Variants in GHR observed in about 807,000 individuals in gnomAD.
GHR encodes growth hormone receptor.
GHR carries 35 observed loss-of-function variants against 67.1 expected under a neutral mutation model. That is an observed-to-expected ratio of 0.52 (90% CI 0.40 to 0.69). The LOEUF (loss-of-function observed/expected upper bound fraction) is 0.69, where lower values mean the gene tolerates loss of function less well. Ranked by LOEUF, GHR falls within the 30% of genes least tolerant of loss-of-function variation. The probability of loss-of-function intolerance (pLI) is 0.00; values close to 1 mark genes in which losing one functional copy is unlikely to be tolerated. For synonymous variants in GHR, 272 were observed against 269.1 expected, an observed-to-expected ratio of 1.01 and a Z score of -0.10; for missense variants, 792 against 764.6, an observed-to-expected ratio of 1.04 and a Z score of -0.42.
Position 42,617,573 on chromosome 5 carries a change from C to T in GHR, c.71-11465C>T, listed in dbSNP as rs35585836. ...TGGGAGTTCTGTTCCTCCCCATTTCCCCCCTCACCTGCTGGCGTCAGCACA... is the reference window on the plus strand; with the variant it reads ...TGGGAGTTCTGTTCCTCCCCATTTCTCCCCTCACCTGCTGGCGTCAGCACA... On this transcript the variant is annotated intron_variant, in intron 2 of 9. Coordinates refer to ENST00000230882, the MANE Select transcript of GHR (RefSeq NM_000163.5). Among the ~76,000 whole-genome samples the T allele has an allele frequency of 3.5e-3, 537 of 152,198 alleles. 1 individual carries two copies. The highest frequency in any genetic ancestry group is 0.013 in the African/African-American group (521 of 41,534).
intron 2 of GHR, among the ~76,000 whole-genome samples, chr5:42,623,524 C>T (rs1753560638): frequency 6.6e-6 from 1 of 152,272 alleles, no homozygotes; most frequent in African/African-American, 2.4e-5. Flanking sequence ...ACCTTTGTAC[C>T]TTCTGCACCT....
chr5:42,674,743 T>A (rs941388669), intron 3 of GHR, among the ~76,000 whole-genome samples: 1 of 152,218 alleles, frequency 6.6e-6, no homozygotes, highest in African/African-American at 2.4e-5. Context: ...TTTTATCCAC[T>A]CATCAGTTGA....
intron 3 of GHR, among the ~76,000 whole-genome samples, chr5:42,682,755 C>T (rs1235459900): frequency 2.0e-5 from 3 of 152,196 alleles, no homozygotes; most frequent in Non-Finnish European, 4.4e-5. Context: ...CTTTTAAGTT[C>T]TGATATATTA....
chr5:42,582,330 G>C (rs909760700), intron 2 of GHR, among the ~76,000 whole-genome samples: 1 of 152,200 alleles, frequency 6.6e-6, no homozygotes, highest in African/African-American at 2.4e-5. Flanking sequence ...AGAACTTATG[G>C]TGCTTTATCC....
chr5:42,603,327 C>T lies in GHR; in HGVS notation c.71-25711C>T, dbSNP rs147273203. Among the ~76,000 whole-genome samples the T allele has an allele frequency of 1.2e-4, 18 of 152,156 alleles. No individual in the cohort carries two copies. The East Asian group carries it at 1.9e-3, about 16-fold the overall frequency. ...TTTTAACAATTATAATGTGTCCTGG[C>T]GTGGGTCTCTTTGGATTCATCTTAC... On this transcript the variant is annotated intron_variant, in intron 2 of 9. Transcript: ENST00000230882.
At position 42,579,649 on chromosome 5, in the gene GHR, C is replaced by T. The variant is rs149464102; in HGVS notation, c.70+13705C>T. The stretch of plus-strand genomic sequence containing the variant: ...CTAACAAATGCTTCCTTTCATTTCT[C>T]CCTTGACAGCCCTAAGAATTAAAGG... On this transcript the variant is annotated intron_variant, in intron 2 of 9. Coordinates refer to ENST00000230882, the MANE Select transcript of GHR (RefSeq NM_000163.5). Among the ~76,000 whole-genome samples the T allele has an allele frequency of 9.3e-4, 141 of 152,296 alleles. 1 individual carries two copies. Among genetic ancestry groups the T allele is most frequent in the African/African-American group, 3.1e-3 (127 of 41,552 alleles).
intron 2 of GHR, among the ~76,000 whole-genome samples, chr5:42,593,957 C>T (rs909554934): frequency 1.3e-5 from 2 of 152,148 alleles, no homozygotes; most frequent in African/African-American, 4.8e-5. Flanking sequence ...CTAGCTGCCA[C>T]CCAAGATTGT....
In GHR at chr5:42,565,725, G is replaced by T. The variant is rs34089431; in HGVS notation, c.-11-139G>T. ...AAGTAGGACAATATGAGACTCTGGG[G>T]CAGTGAAAGACTTACCAGGATTCCT... On this transcript the variant is annotated intron_variant, in intron 1 of 9. Transcript: ENST00000230882. 295 of 1,552,962 alleles carry T rather than the reference G, an allele frequency of 1.9e-4. 1 individual carries two copies. In the African/African-American group the frequency reaches 3.8e-3, roughly 20 times the overall value.
At chr5:42,546,038 A>T (rs186359893) in intron 1 of GHR, among the ~76,000 whole-genome samples, 1 of 152,318 alleles carries the variant, frequency 6.6e-6, no homozygotes, top group African/African-American at 2.4e-5. Flanking sequence ...GCTGTCTTAG[A>T]TAAGGAGCAG....
At chr5:42,558,999 G>A (rs1749457660) in intron 1 of GHR, among the ~76,000 whole-genome samples, 1 of 152,090 alleles carries the variant, frequency 6.6e-6, no homozygotes, top group South Asian at 2.1e-4. Flanking sequence ...TAGCACATAT[G>A]AATTTAGATG....
At position 42,448,017 on chromosome 5, in the gene GHR, C is replaced by G. The variant is rs561458300; in HGVS notation, c.-12+24062C>G. ...CCTCCAGTGATCCACCCACCTCAGT[C>G]TCCCAAAGTGTTGGGATTACAAGCA... On this transcript the variant is annotated intron_variant, in intron 1 of 9. Transcript: ENST00000230882. Among the ~76,000 whole-genome samples the G allele has an allele frequency of 1.6e-4, 25 of 152,196 alleles. 1 individual carries two copies. In the South Asian group the frequency reaches 5.0e-3, roughly 30 times the overall value.
chr5:42,522,537 A>G (rs1579864024), intron 1 of GHR, among the ~76,000 whole-genome samples: 1 of 152,196 alleles, frequency 6.6e-6, no homozygotes, highest in African/African-American at 2.4e-5. Context: ...TTTATCTTCA[A>G]ATCATAAGCT....
Position 42,424,171 on chromosome 5 carries a change from AGTGTGTGT to A in GHR, c.-12+257_-12+264del, listed in dbSNP as rs1158830359. ...CTGGTGGGTTGTTGTAACCCAATCT[AGTGTGTGT>A]GTGTGTGTGTGTGTGTGTGTGTGTG... On this transcript the variant is annotated intron_variant, in intron 1 of 9. Coordinates refer to ENST00000230882, the MANE Select transcript of GHR (RefSeq NM_000163.5). The surrounding 1 kb of genome is among the most constrained non-coding windows in gnomAD (Gnocchi z 4.1). 8.7e-3 allele frequency among the ~76,000 whole-genome samples: 877 copies of A among 100,570 alleles called. 5 individuals are homozygous for A. Among genetic ancestry groups the A allele is most frequent in the African/African-American group, 0.014 (335 of 24,220 alleles). The allele number at this position is 100,570 out of a possible 152,430, so 66.0% of individuals were successfully genotyped here. A position where few individuals can be genotyped will look rare whatever the true frequency, so the allele number is the denominator to read the frequency against.
At chr5:42,468,265 T>G in intron 1 of GHR, 2 of 1,561,394 alleles carry the variant, frequency 1.3e-6, no homozygotes, top group Non-Finnish European at 1.8e-6. Context: ...CTCCTCCTTT[T>G]TCACCTTCAC....
At position 42,485,386 on chromosome 5, in the gene GHR, C is replaced by CCAT. The variant is rs1334177269; in HGVS notation, c.-12+61435_-12+61437dup. On this transcript the variant is annotated intron_variant, in intron 1 of 9. Transcript: ENST00000230882. ...CACTGCTCTCTAAGCATTAATACCC[C>CCAT]CATCATAGCCTTCATCATAATATGT... 3.3e-5 allele frequency among the ~76,000 whole-genome samples: 5 copies of CCAT among 152,180 alleles called. No individual in the cohort carries two copies. The East Asian group carries it at 9.6e-4, about 29-fold the overall frequency.
chr5:42,560,880 C>A (rs1322901922), intron 1 of GHR, among the ~76,000 whole-genome samples: 1 of 152,124 alleles, frequency 6.6e-6, no homozygotes, highest in East Asian at 1.9e-4. Flanking sequence ...CTTATCAATA[C>A]TTCTCAGTGA....
intron 2 of GHR, among the ~76,000 whole-genome samples, chr5:42,568,423 T>C (rs1449469420): frequency 6.6e-6 from 1 of 152,208 alleles, no homozygotes; most frequent in Non-Finnish European, 1.5e-5. Context: ...GAATTTTTTA[T>C]TCCAAAATCA....
intron 6 of GHR, among the ~76,000 whole-genome samples, chr5:42,709,858 C>T (rs138297946): frequency 3.3e-5 from 5 of 151,954 alleles, no homozygotes; most frequent in Non-Finnish European, 7.4e-5. Flanking sequence ...ATAGGAGCCA[C>T]GTAAGTAGGA....
At chr5:42,544,218 G>T (rs1748640123) in intron 1 of GHR, among the ~76,000 whole-genome samples, 1 of 152,028 alleles carries the variant, frequency 6.6e-6, no homozygotes, top group Non-Finnish European at 1.5e-5. Flanking sequence ...ATAGCAGAAA[G>T]AAAAAGGGGA....
Sources: allele counts gnomAD v4.1 joint callset (sites outside exome capture counted in the v4.1 genomes callset), GRCh38; gene constraint gnomAD v4.1.1; non-coding constraint Gnocchi (gnomAD v3.1); transcripts MANE v1.5; gene names NCBI Gene and HGNC (gene_info 2026-07-23, HGNC 2026-07-21).